PADI1: variants seen among roughly 807,000 people sequenced by gnomAD.
PADI1 encodes peptidyl arginine deiminase 1.
In PADI1, 65 loss-of-function variants were observed where a neutral mutation model predicts 74.8. The ratio of observed to expected loss-of-function variants is 0.87; its 90% confidence interval spans 0.71 to 1.07. PADI1 has a LOEUF of 1.07. Among genes scored for constraint, PADI1 ranks in the 50% least tolerant of loss-of-function variants. The pLI, the probability that PADI1 is intolerant of heterozygous loss-of-function variation, is 0.00. For synonymous variants in PADI1, 371 were observed against 336.2 expected (o/e 1.10, Z -1.13); for missense variants, 943 against 854.0 (o/e 1.10, Z -1.30).
rs536530275 is a variant in PADI1, at chr1:17,224,416, C to A, written c.396C>A (p.Ser132Arg). Residue 132 changes from serine (S) to arginine (R), a missense_variant, in exon 4 of 16, where the codon AGC becomes AGA. Ser to Arg is a moderately radical substitution (Grantham distance 110, BLOSUM62 -1). Transcript: ENST00000375471. ...DTGRTGKVKRSQGDKKTWRWG... is the reference protein window; with the variant it reads ...DTGRTGKVKRRQGDKKTWRWG... Reference sequence around the variant, plus strand: ...GCCGCACAGGCAAGGTGAAGAGGAGCCAAGGGGACAAGGTGAGACCCTTCC... The same window carrying A: ...GCCGCACAGGCAAGGTGAAGAGGAGACAAGGGGACAAGGTGAGACCCTTCC... 1 of 1,613,730 alleles carries A rather than the reference C, an allele frequency of 6.2e-7. No individual in the cohort carries two copies. The highest frequency in any genetic ancestry group is 2.2e-5 in the East Asian group (1 of 44,850).
intron 15 of PADI1, 142 bp downstream of exon 15, chr1:17,240,902 T>A (rs2072763056): frequency 1.0e-6 from 1 of 987,472 alleles, no homozygotes; most frequent in South Asian, 1.7e-5. Context: ...ATAGAGAACA[T>A]TCCCATCAGT....
chr1:17,205,156 G>T lies in PADI1; in HGVS notation c.-62G>T. The T allele has an allele frequency of 7.4e-7, 1 of 1,344,720 alleles. No homozygotes were observed. The highest frequency in any genetic ancestry group is 1.1e-6 in the Non-Finnish European group (1 of 940,326). 83.3% of individuals were successfully genotyped at this position (1,344,720 alleles called of 1,614,324 possible). ...ACTCACACTTCTTCCTGGCAAAGAA[G>T]TGCCCAGGACGGGAGCTGGGGAGCC... On this transcript the variant is annotated 5_prime_UTR_variant, in exon 1 of 16. Transcript: ENST00000375471.
chr1:17,226,368 C>T (rs528758914), intron 6 of PADI1, among the ~76,000 whole-genome samples: 5 of 152,298 alleles, frequency 3.3e-5, no homozygotes, highest in African/African-American at 1.2e-4. Flanking sequence ...GGCTCAGATG[C>T]AGGAATTCAC....
At position 17,238,676 on chromosome 1, in the gene PADI1, GA is replaced by G. The variant is rs1260808953; in HGVS notation, c.1521del (p.Glu508ArgfsTer12). ...CCTCAAACTCTTCCAAGAGAAGAAAGAAGAGGGTTATGGGGAGGCAGCCCAG... is the reference window on the plus strand; with the variant it reads ...CCTCAAACTCTTCCAAGAGAAGAAAGAGAGGGTTATGGGGAGGCAGCCCAG... ...ACLKLFQEKKEEGYGEAAQFD... is the reference protein window; with the variant it reads ...ACLKLFQEKKXEGYGEAAQFD... On this transcript the variant is annotated frameshift_variant, in exon 13 of 16. Coordinates refer to ENST00000375471, the MANE Select transcript of PADI1 (RefSeq NM_013358.3). LOFTEE classifies it high-confidence loss of function. 4 of 1,554,928 alleles carry G rather than the reference GA, an allele frequency of 2.6e-6. No individual in the cohort carries two copies. Among genetic ancestry groups the G allele is most frequent in the Non-Finnish European group, 3.5e-6 (4 of 1,144,570 alleles).
At position 17,244,200 on chromosome 1, in the gene PADI1, G is replaced by A. The variant is rs367912075; in HGVS notation, c.1949G>A (p.Arg650His). The A allele has an allele frequency of 6.8e-6, 11 of 1,614,016 alleles. No homozygotes were observed. Among genetic ancestry groups the A allele is most frequent in the Middle Eastern group, 3.3e-4 (2 of 6,084 alleles). ...QGEIHCGTNV[R>H]RKPFPFKWWN... ...GAGATCCACTGTGGCACCAACGTGCGCAGGAAGCCCTTTCCCTTCAAATGG... is the reference window on the plus strand; with the variant it reads ...GAGATCCACTGTGGCACCAACGTGCACAGGAAGCCCTTTCCCTTCAAATGG... The change falls in exon 16 of 16, where the codon CGC (arginine) becomes CAC (histidine). Residue 650 changes from arginine (R) to histidine (H), a missense_variant. Transcript: ENST00000375471.
intron 1 of PADI1, 92 bp from the exon 2 acceptor site, chr1:17,222,198 G>C: frequency 6.8e-6 from 6 of 887,836 alleles, no homozygotes. Flanking sequence ...CATTTGAACG[G>C]CCTGGCAGCC....
Position 17,245,222 on chromosome 1 carries a change from A to G in PADI1, c.*979A>G, listed in dbSNP as rs1464319164. On this transcript the variant is annotated 3_prime_UTR_variant, in exon 16 of 16. Transcript: ENST00000375471. The surrounding 1 kb of genome is among the most constrained non-coding windows in gnomAD (Gnocchi z 4.1). Reference sequence around the variant, plus strand: ...TGAAGGTGGAGTTTAATTTCCTTTAATAGTCTTTAATTATTCCCCTTCATT... The same window carrying G: ...TGAAGGTGGAGTTTAATTTCCTTTAGTAGTCTTTAATTATTCCCCTTCATT... 1 of 152,624 alleles carries G rather than the reference A, an allele frequency of 6.6e-6. No individual in the cohort carries two copies. The highest frequency in any genetic ancestry group is 1.5e-5 in the Non-Finnish European group (1 of 68,062). 9.5% of individuals were successfully genotyped at this position (152,624 alleles called of 1,614,324 possible).
chr1:17,240,842 G>A, intron 15 of PADI1, 82 bp downstream of exon 15: 1 of 1,511,648 alleles, frequency 6.6e-7, no homozygotes, highest in Non-Finnish European at 9.0e-7. Flanking sequence ...GCAGGCTGGT[G>A]CAGAGGCTGG....
At chr1:17,242,263 C>T (rs911460947) in intron 15 of PADI1, among the ~76,000 whole-genome samples, 1 of 152,152 alleles carries the variant, frequency 6.6e-6, no homozygotes, top group Non-Finnish European at 1.5e-5. Flanking sequence ...TGATTGAGAA[C>T]CACGGCTTGA....
chr1:17,244,915 C>T lies in PADI1; in HGVS notation c.*672C>T, dbSNP rs1339782301. 1 of 174,642 alleles carries T rather than the reference C, an allele frequency of 5.7e-6. No individual in the cohort carries two copies. Among genetic ancestry groups the T allele is most frequent in the Non-Finnish European group, 1.2e-5 (1 of 81,628 alleles). 10.8% of individuals were successfully genotyped at this position (174,642 alleles called of 1,614,324 possible). ...CCTCAGAAGAGTGATTGCTACCTTT[C>T]TGGAAAGACTTTAATTACCAGAGCT... On this transcript the variant is annotated 3_prime_UTR_variant, in exon 16 of 16. Coordinates refer to ENST00000375471, the MANE Select transcript of PADI1 (RefSeq NM_013358.3).
chr1:17,242,674 A>G (rs1417118179), intron 15 of PADI1, among the ~76,000 whole-genome samples: 1 of 152,166 alleles, frequency 6.6e-6, no homozygotes, highest in Non-Finnish European at 1.5e-5. Flanking sequence ...CACCCAGTTA[A>G]CCCCTTGGTT....
chr1:17,234,867 G>A (rs2072590420), intron 11 of PADI1, among the ~76,000 whole-genome samples: 2 of 152,092 alleles, frequency 1.3e-5, no homozygotes, highest in East Asian at 3.9e-4. Flanking sequence ...CGATATTGAC[G>A]CTTCTTTGCG....
Position 17,230,678 on chromosome 1 carries a change from T to G in PADI1, c.1160T>G (p.Leu387Arg). 1 of 1,579,538 alleles carries G rather than the reference T, an allele frequency of 6.3e-7. No homozygotes were observed. Among genetic ancestry groups the G allele is most frequent in the Non-Finnish European group, 8.7e-7 (1 of 1,150,360 alleles). ...GLKDFPYKRI[L>R]GPDFGYVTRE... ...AAAGATTTCCCCTATAAGAGGATCC[T>G]GGTACGTAGCGACAGGTAGAGTGCA... The change falls in exon 10 of 16, where the codon CTG becomes CGG. Residue 387 changes from leucine (L) to arginine (R), a missense_variant and splice_region_variant. Physicochemically the swap from Leu to Arg is moderately radical, Grantham distance 102. Transcript: ENST00000375471.
intron 1 of PADI1, among the ~76,000 whole-genome samples, chr1:17,220,079 G>A (rs1368788049): frequency 6.6e-6 from 1 of 152,026 alleles, no homozygotes; most frequent in Non-Finnish European, 1.5e-5. Context: ...TAAGGTGCGA[G>A]GACCCCCAAA....
At chr1:17,230,429 G>A (rs2072456011) in intron 9 of PADI1, 143 bp from the exon 10 acceptor site, 1 of 723,484 alleles carries the variant, frequency 1.4e-6, no homozygotes, top group African/African-American at 1.8e-5. Flanking sequence ...GGGGTCCTAA[G>A]AGGCCTCACT....
In PADI1 at chr1:17,224,349, C is replaced by G. The variant is rs1412441381; in HGVS notation, c.347-18C>G. ...GGGCTGGATGAGCCCCTGGCAGCCC[C>G]TCTCCATCTCTTTGCAGATATTTCC... On this transcript the variant is annotated intron_variant, in intron 3 of 15. Coordinates refer to ENST00000375471, the MANE Select transcript of PADI1 (RefSeq NM_013358.3). 11 of 1,612,048 alleles carry G rather than the reference C, an allele frequency of 6.8e-6. No individual in the cohort carries two copies. The highest frequency in any genetic ancestry group is 9.3e-6 in the Non-Finnish European group (11 of 1,178,704).
chr1:17,243,431 C>T (rs1000920025), intron 15 of PADI1, among the ~76,000 whole-genome samples: 8 of 152,218 alleles, frequency 5.3e-5, no homozygotes, highest in Non-Finnish European at 8.8e-5. Flanking sequence ...CATTCTCTGG[C>T]TGTATGATTA....
rs751708349 is a variant in PADI1 at position 17,205,232 on chromosome 1, A to G, written c.15A>G (p.Arg5=). 6.2e-7 allele frequency: 1 copy of G among 1,613,802 alleles called. No individual in the cohort carries two copies. The highest frequency in any genetic ancestry group is 8.5e-7 in the Non-Finnish European group (1 of 1,179,922). The part of the protein sequence containing the change: MAPK[R]VVQLSLKMPT... ...CAGGTGACAGGATGGCCCCAAAGAGAGTTGTGCAGCTGTCCCTGAAGATGC... is the reference window on the plus strand; with the variant it reads ...CAGGTGACAGGATGGCCCCAAAGAGGGTTGTGCAGCTGTCCCTGAAGATGC... The change falls in exon 1 of 16, where the codon AGA becomes AGG. Residue 5 remains arginine, a synonymous_variant. Transcript: ENST00000375471.
chr1:17,219,632 A>G lies in PADI1; in HGVS notation c.93-2658A>G, dbSNP rs576675823. 3.3e-5 allele frequency among the ~76,000 whole-genome samples: 5 copies of G among 152,250 alleles called. No individual in the cohort carries two copies. The South Asian group carries it at 1.0e-3, about 32-fold the overall frequency. Reference sequence around the variant, plus strand: ...ACGGCAGCCGGCTGAGGAACATGGCAGGAGCTGGCACCCTCGAGATGAGGA... The same window carrying G: ...ACGGCAGCCGGCTGAGGAACATGGCGGGAGCTGGCACCCTCGAGATGAGGA... On this transcript the variant is annotated intron_variant, in intron 1 of 15. Transcript: ENST00000375471.
Sources: allele counts gnomAD v4.1 joint callset (sites outside exome capture counted in the v4.1 genomes callset), GRCh38; gene constraint gnomAD v4.1.1; non-coding constraint Gnocchi (gnomAD v3.1); transcripts MANE v1.5; gene names NCBI Gene and HGNC (gene_info 2026-07-23, HGNC 2026-07-21).